Variants in PSG1 observed in about 807,000 individuals in gnomAD.
PSG1 encodes pregnancy-specific beta-1-glycoprotein 1.
Under a neutral mutation model 41.4 loss-of-function variants are expected in PSG1, and 60 were observed. That is an observed-to-expected ratio of 1.45 (90% CI 1.18 to 1.80). PSG1 has a LOEUF of 1.80. Ranked by LOEUF, PSG1 falls within the 40% of genes most tolerant of loss-of-function variation. The probability of loss-of-function intolerance (pLI) is 0.00; values close to 1 mark genes in which losing one functional copy is unlikely to be tolerated. For missense variants in PSG1, 806 were observed against 516.9 expected (o/e 1.56, Z -5.42); for synonymous variants, 256 against 192.9 (o/e 1.33, Z -2.71).
At chr19:42,871,642 G>A in intron 3 of PSG1, 125 bp downstream of exon 3, 2 of 1,605,582 alleles carry the variant, frequency 1.2e-6, no homozygotes, top group Non-Finnish European at 1.7e-6. Flanking sequence ...ACAAAGTCAT[G>A]GCCAGGTTTG....
intron 2 of PSG1, chr19:42,874,122 A>G (rs1284903914): frequency 6.6e-6 from 1 of 151,882 alleles, no homozygotes; most frequent in South Asian, 2.1e-4. Context: ...TGTACATTAC[A>G]GTCTTTGTAG....
At chr19:42,878,961 T>G (rs1971744266) in intron 1 of PSG1, among the ~76,000 whole-genome samples, 1 of 151,446 alleles carries the variant, frequency 6.6e-6, no homozygotes, top group Non-Finnish European at 1.5e-5. Flanking sequence ...AGGTGTCATC[T>G]GCTATAGTTA....
chr19:42,867,574 T>A (rs1600485756), intron 5 of PSG1: 1 of 650,840 alleles, frequency 1.5e-6, no homozygotes, highest in East Asian at 2.8e-5. Context: ...ATTTCAAATG[T>A]GTCATGTTAC....
chr19:42,876,009 G>T (rs538455645), intron 2 of PSG1, among the ~76,000 whole-genome samples: 3 of 151,190 alleles, frequency 2.0e-5, no homozygotes, highest in South Asian at 2.1e-4. Flanking sequence ...TGGCTCGAGA[G>T]GAAGCCTGGC....
rs191320644 is a variant in PSG1, at chr19:42,871,872, G to T, written c.604C>A (p.Leu202Ile). ...SLKLSETNRT[L>I]FLLGVTKYTA... Reference sequence around the variant, plus strand: ...TACTTTGTGACACCCAATAGAAAGAGGGTCCTGTTGGTTTCGGACAGCTTC... The same window carrying T: ...TACTTTGTGACACCCAATAGAAAGATGGTCCTGTTGGTTTCGGACAGCTTC... Residue 202 changes from leucine to isoleucine, a missense_variant, in exon 3 of 6, where the codon CTC becomes ATC. Transcript: ENST00000436291. 3 of 1,612,416 alleles carry T rather than the reference G, an allele frequency of 1.9e-6. No homozygotes were observed. Among genetic ancestry groups the T allele is most frequent in the Non-Finnish European group, 1.7e-6 (2 of 1,179,252 alleles).
In PSG1 at chr19:42,877,907, A is replaced by G. The variant is rs753702734; in HGVS notation, c.430+6T>C. 5.6e-6 allele frequency: 9 copies of G among 1,611,978 alleles called. No homozygotes were observed. In the Admixed American group the frequency reaches 1.0e-4, roughly 18 times the overall value. On this transcript the variant is annotated splice_donor_region_variant and intron_variant, in intron 2 of 5. Transcript: ENST00000436291. ...CAACACCCAGGGATCATGTGGAATC[A>G]CTTACGGTGTAAGGTGAAGGTGAAA...
At chr19:42,876,618 G>A (rs772723027) in intron 2 of PSG1, 4 of 320,896 alleles carry the variant, frequency 1.2e-5, no homozygotes, top group Admixed American at 3.4e-5. Flanking sequence ...AAGAAAACAA[G>A]GTCCTCTCCT....
chr19:42,874,732 A>G (rs750141037), intron 2 of PSG1, among the ~76,000 whole-genome samples: 3 of 151,586 alleles, frequency 2.0e-5, no homozygotes, highest in East Asian at 1.9e-4. Context: ...CAAGCTTGTT[A>G]TACGCCTGTC....
intron 1 of PSG1, among the ~76,000 whole-genome samples, chr19:42,878,863 C>T (rs970902051): frequency 5.3e-5 from 8 of 151,420 alleles, no homozygotes; most frequent in African/African-American, 1.9e-4. Context: ...TTCTCAGGGC[C>T]CTCCATGCCC....
chr19:42,875,724 A>G (rs1971574797), intron 2 of PSG1, among the ~76,000 whole-genome samples: 1 of 151,640 alleles, frequency 6.6e-6, no homozygotes, highest in Non-Finnish European at 1.5e-5. Flanking sequence ...GATTTGAGTA[A>G]TAATAAACCT....
chr19:42,879,152 TTTTTC>T lies in PSG1; in HGVS notation c.64+361_64+365del, dbSNP rs1273725680. 4.1e-5 allele frequency among the ~76,000 whole-genome samples: 5 copies of T among 122,684 alleles called. No individual in the cohort carries two copies. In the East Asian group the frequency reaches 1.2e-3, roughly 30 times the overall value. The allele number at this position is 122,684 out of a possible 152,430, so 80.5% of individuals were successfully genotyped here. ...ACAGAGCCTTCTTTCCTTTTTTTCT[TTTTTC>T]TTTTTTTTTTTTTGAGATGGAGTCT... On this transcript the variant is annotated intron_variant, in intron 1 of 5. Coordinates refer to ENST00000436291, the MANE Select transcript of PSG1 (RefSeq NM_001184825.2).
At position 42,878,148 on chromosome 19, in the gene PSG1, G is replaced by A. The variant is rs1388245996; in HGVS notation, c.195C>T (p.Tyr65=). Residue 65 remains tyrosine (Y), a synonymous_variant, in exon 2 of 6, where the codon TAC becomes TAT. Coordinates refer to ENST00000436291, the MANE Select transcript of PSG1 (RefSeq NM_001184825.2). ...CCCTCATTTGCCCTTTGTACCAGAT[G>A]TAGCCGGTAAGATTCTGGGGCAAAT... ...VHNLPQNLTG[Y]IWYKGQMRDL... 6.2e-7 allele frequency: 1 copy of A among 1,612,300 alleles called. No homozygotes were observed. Among genetic ancestry groups the A allele is most frequent in the Admixed American group, 1.7e-5 (1 of 59,844 alleles).
intron 3 of PSG1, chr19:42,870,192 T>C (rs1600494563): frequency 6.6e-6 from 1 of 151,816 alleles, no homozygotes; most frequent in East Asian, 1.9e-4. Context: ...ACAGATTGAG[T>C]ATTTCTTATG....
At chr19:42,874,879 A>G (rs1971540845) in intron 2 of PSG1, among the ~76,000 whole-genome samples, 1 of 151,350 alleles carries the variant, frequency 6.6e-6, no homozygotes, top group South Asian at 2.1e-4. Flanking sequence ...GATTTTAACA[A>G]GTTGTTGACT....
chr19:42,869,383 C>A (rs544254115), intron 3 of PSG1: 3 of 379,204 alleles, frequency 7.9e-6, no homozygotes, highest in African/African-American at 2.0e-5. Context: ...CTGGAATATG[C>A]AACTGCTGGG....
At position 42,877,961 on chromosome 19, in the gene PSG1, C is replaced by T. The variant is rs755013826; in HGVS notation, c.382G>A (p.Asp128Asn). The T allele has an allele frequency of 4.3e-6, 7 of 1,612,358 alleles. No homozygotes were observed. Among genetic ancestry groups the T allele is most frequent in the South Asian group, 1.1e-5 (1 of 90,850 alleles). The part of the protein sequence containing the change: ...GSYTLHIIKG[D>N]DGTRGVTGRF... ...CCAGTTACTCCTCTAGTCCCATCAT[C>T]TCCCTTTATGATGTGTAAGGTGTAG... is the stretch of plus-strand genomic sequence containing the variant. Residue 128 changes from aspartate (D) to asparagine (N), a missense_variant, in exon 2 of 6, where the codon GAT becomes AAT. By Grantham distance (23) the Asp-to-Asn change is conservative. Transcript: ENST00000436291.
chr19:42,872,145 C>G (rs1310503617), intron 2 of PSG1, 100 bp from the exon 3 acceptor site: 3 of 1,481,676 alleles, frequency 2.0e-6, no homozygotes. Context: ...CTCAGCCCAC[C>G]CAAGTCCTTA....
chr19:42,878,041 G>A lies in PSG1; in HGVS notation c.302C>T (p.Ala101Val), dbSNP rs707748. 1.6e-5 allele frequency: 25 copies of A among 1,612,402 alleles called. 1 individual carries two copies. The African/African-American group carries it at 1.6e-4, about 10-fold the overall frequency. ...YGPAYSGRET[A>V]YSNASLLIQN... ...GATCAGCAGGGATGCATTGGAATATGCTGTTTCTCGTCCACTATATGCAGG... is the reference window on the plus strand; with the variant it reads ...GATCAGCAGGGATGCATTGGAATATACTGTTTCTCGTCCACTATATGCAGG... Residue 101 changes from alanine (A) to valine (V), a missense_variant, in exon 2 of 6, where the codon GCA becomes GTA. By Grantham distance (64) the Ala-to-Val change is moderately conservative (BLOSUM62 0). Coordinates refer to ENST00000436291, the MANE Select transcript of PSG1 (RefSeq NM_001184825.2).
chr19:42,867,035 T>C lies in PSG1; in HGVS notation c.*99A>G, dbSNP rs771750036. On this transcript the variant is annotated 3_prime_UTR_variant, in exon 6 of 6. Coordinates refer to ENST00000436291, the MANE Select transcript of PSG1 (RefSeq NM_001184825.2). Reference sequence around the variant, plus strand: ...AAGGGTTTTCCCATGAAATTTACATTGAGTTGTCCACCTCCAGCTTATAGG... The same window carrying C: ...AAGGGTTTTCCCATGAAATTTACATCGAGTTGTCCACCTCCAGCTTATAGG... 3.5e-5 allele frequency: 27 copies of C among 768,756 alleles called. No individual in the cohort carries two copies. Among genetic ancestry groups the C allele is most frequent in the Non-Finnish European group, 5.7e-5 (24 of 417,504 alleles). The allele number at this position is 768,756 out of a possible 1,614,324, so 47.6% of individuals were successfully genotyped here.
Sources: allele counts gnomAD v4.1 joint callset (sites outside exome capture counted in the v4.1 genomes callset), GRCh38; gene constraint gnomAD v4.1.1; transcripts MANE v1.5; gene names NCBI Gene and HGNC (gene_info 2026-07-23, HGNC 2026-07-21).